Variants in SIPA1L1 observed in about 807,000 individuals in gnomAD.
SIPA1L1 encodes the protein signal induced proliferation associated 1 like 1, also known as signal-induced proliferation-associated 1-like protein 1.
A neutral mutation model predicts 162.7 loss-of-function variants in SIPA1L1; 26 were observed. That is an observed-to-expected ratio of 0.16 (90% CI 0.12 to 0.22). SIPA1L1 has a LOEUF of 0.22. SIPA1L1 is among the 10% of genes least tolerant of loss of function. The probability of loss-of-function intolerance (pLI) is 1.00; values close to 1 mark genes in which losing one functional copy is unlikely to be tolerated. For synonymous variants in SIPA1L1, 829 were observed against 837.4 expected, an observed-to-expected ratio of 0.99 and a Z score of 0.17; for missense variants, 1,874 against 2,241.0, an observed-to-expected ratio of 0.84 and a Z score of 3.31.
intron 14 of SIPA1L1, among the ~76,000 whole-genome samples, chr14:71,700,733 G>A (rs981428663): frequency 3.3e-5 from 5 of 152,160 alleles, no homozygotes; most frequent in South Asian, 4.1e-4. Flanking sequence ...GGTGGCTGTC[G>A]CCTGTAATCC....
chr14:71,707,165 T>G (rs1487522085), intron 16 of SIPA1L1, among the ~76,000 whole-genome samples: 1 of 151,336 alleles, frequency 6.6e-6, no homozygotes. Flanking sequence ...ACACAGTTCC[T>G]TCTCTTCTCT....
intron 2 of SIPA1L1, among the ~76,000 whole-genome samples, chr14:71,511,292 C>T (rs187733697): frequency 3.3e-5 from 5 of 152,132 alleles, no homozygotes; most frequent in African/African-American, 7.2e-5. Context: ...CCCCCTCCCC[C>T]GCCTTTCCTT....
intron 2 of SIPA1L1, among the ~76,000 whole-genome samples, chr14:71,397,449 C>G (rs1006754964): frequency 2.0e-5 from 3 of 146,752 alleles, no homozygotes; most frequent in Non-Finnish European, 4.5e-5. Flanking sequence ...TTTCTTTATT[C>G]AGTATTTTTC....
intron 2 of SIPA1L1, among the ~76,000 whole-genome samples, chr14:71,424,933 T>C (rs2043452855): frequency 1.3e-5 from 2 of 152,066 alleles, no homozygotes; most frequent in Admixed American, 1.3e-4. Flanking sequence ...ACTGATTTAA[T>C]CTCTGTACTA....
At chr14:71,554,536 A>G (rs1305596091) in intron 4 of SIPA1L1, among the ~76,000 whole-genome samples, 6 of 152,188 alleles carry the variant, frequency 3.9e-5, no homozygotes, top group Admixed American at 3.3e-4. Context: ...TGTTCTCAGC[A>G]TTCTTGAGTA....
chr14:71,569,319 A>G (rs773198032), intron 4 of SIPA1L1, among the ~76,000 whole-genome samples: 1 of 152,128 alleles, frequency 6.6e-6, no homozygotes, highest in Non-Finnish European at 1.5e-5. Context: ...ACTCTCTGCA[A>G]CCCCAGGATT....
intron 2 of SIPA1L1, among the ~76,000 whole-genome samples, chr14:71,372,603 A>G (rs533618771): frequency 6.6e-6 from 1 of 152,300 alleles, no homozygotes; most frequent in Non-Finnish European, 1.5e-5. Flanking sequence ...GTATATTGAC[A>G]TCACATTCCT....
chr14:71,455,344 C>G (rs983411329), intron 2 of SIPA1L1, among the ~76,000 whole-genome samples: 1 of 151,926 alleles, frequency 6.6e-6, no homozygotes, highest in African/African-American at 2.4e-5. Context: ...TTTTTTTCAT[C>G]CCTTTTCTTA....
At chr14:71,356,910 T>C (rs555822586) in intron 2 of SIPA1L1, among the ~76,000 whole-genome samples, 1 of 152,098 alleles carries the variant, frequency 6.6e-6, no homozygotes, top group Non-Finnish European at 1.5e-5. Context: ...CTTGTGAATT[T>C]GTTTTTCTGA....
chr14:71,421,774 G>C (rs1000057176), intron 2 of SIPA1L1, among the ~76,000 whole-genome samples: 1 of 152,044 alleles, frequency 6.6e-6, no homozygotes, highest in Admixed American at 6.5e-5. Flanking sequence ...TACCTGGATT[G>C]AAAGTCCATT....
intron 2 of SIPA1L1, among the ~76,000 whole-genome samples, chr14:71,512,311 C>T (rs1248424888): frequency 6.6e-6 from 1 of 152,140 alleles, no homozygotes; most frequent in East Asian, 1.9e-4. Context: ...ACTGGCATAA[C>T]ATCACATGAC....
intron 2 of SIPA1L1, among the ~76,000 whole-genome samples, chr14:71,427,666 ATTCT>A (rs1370061442): frequency 2.0e-5 from 3 of 152,022 alleles, no homozygotes; most frequent in Non-Finnish European, 4.4e-5. Flanking sequence ...AGGTTCACTG[ATTCT>A]TTCTTCTGCA....
chr14:71,450,639 A>G (rs997560978), intron 2 of SIPA1L1, among the ~76,000 whole-genome samples: 2 of 152,212 alleles, frequency 1.3e-5, no homozygotes, highest in African/African-American at 2.4e-5. Flanking sequence ...TAAAGCTGCA[A>G]TGTTATTTAC....
intron 5 of SIPA1L1, among the ~76,000 whole-genome samples, chr14:71,604,009 T>G (rs1418597757): frequency 7.1e-6 from 1 of 140,424 alleles, no homozygotes; most frequent in Non-Finnish European, 1.6e-5. Context: ...AAATTTTTTT[T>G]TTTTTGAGAC....
chr14:71,682,112 T>G (rs761454289), intron 12 of SIPA1L1, among the ~76,000 whole-genome samples: 8 of 152,218 alleles, frequency 5.3e-5, no homozygotes, highest in South Asian at 2.1e-4. Context: ...TGCCACCTGC[T>G]GGCTGTGTAA....
At chr14:71,681,365 G>A (rs1353538687) in intron 12 of SIPA1L1, among the ~76,000 whole-genome samples, 2 of 152,194 alleles carry the variant, frequency 1.3e-5, no homozygotes, top group African/African-American at 4.8e-5. Flanking sequence ...TGATGTTCTG[G>A]ATGGTATTGC....
intron 14 of SIPA1L1, among the ~76,000 whole-genome samples, chr14:71,699,438 A>G (rs549119345): frequency 6.6e-6 from 1 of 152,338 alleles, no homozygotes; most frequent in Admixed American, 6.5e-5. Flanking sequence ...ATTTACTCCA[A>G]AGTAGAAAAA....
chr14:71,599,021 G>A (rs1401416475), intron 5 of SIPA1L1, among the ~76,000 whole-genome samples: 1 of 151,832 alleles, frequency 6.6e-6, no homozygotes, highest in Non-Finnish European at 1.5e-5. Flanking sequence ...ATGAAATCAA[G>A]TCTTTTAGCT....
At chr14:71,563,244 C>T (rs751520784) in intron 4 of SIPA1L1, among the ~76,000 whole-genome samples, 5 of 150,060 alleles carry the variant, frequency 3.3e-5, no homozygotes, top group Admixed American at 6.6e-5. Context: ...AGTACAAATA[C>T]TTCTTTTATC....
Sources: gnomAD v4.1 joint callset for allele counts (sites outside exome capture counted in the v4.1 genomes callset) on GRCh38, gnomAD v4.1.1 for gene constraint, MANE v1.5 for transcripts, NCBI Gene and HGNC (gene_info 2026-07-23, HGNC 2026-07-21) for gene names.